Variants in CTNND2 observed in about 807,000 individuals in gnomAD.
The protein encoded by CTNND2 is catenin delta 2, also known as catenin delta-2.
In CTNND2, 22 loss-of-function variants were observed where a neutral mutation model predicts 144.4. The ratio of observed to expected loss-of-function variants is 0.15; its 90% CI spans 0.11 to 0.22. The LOEUF is 0.22. CTNND2 is among the 10% of genes least tolerant of loss of function. CTNND2 has a pLI of 1.00. For synonymous variants in CTNND2, 751 were observed against 695.6 expected (o/e 1.08, Z -1.25); for missense variants, 1,353 against 1,618.8 (o/e 0.84, Z 2.82).
intron 2 of CTNND2, among the ~76,000 whole-genome samples, chr5:11,632,341 G>A (rs1781454721): frequency 6.6e-6 from 1 of 152,174 alleles, no homozygotes. Flanking sequence ...GTCCTGCGGT[G>A]AGGAGGAGGA....
At chr5:11,441,306 T>C (rs1199392284) in intron 3 of CTNND2, among the ~76,000 whole-genome samples, 1 of 152,010 alleles carries the variant, frequency 6.6e-6, no homozygotes, top group Non-Finnish European at 1.5e-5. Context: ...CAGGCCATTT[T>C]ATTATTGAGC....
chr5:11,706,248 C>T (rs547999404), intron 2 of CTNND2, among the ~76,000 whole-genome samples: 29 of 152,238 alleles, frequency 1.9e-4, no homozygotes, highest in Middle Eastern at 3.4e-3. Context: ...ACATCTGACT[C>T]GCAGAAACTG....
At chr5:11,535,862 T>TCTTGAATG (rs1417688621) in intron 3 of CTNND2, among the ~76,000 whole-genome samples, 1 of 152,162 alleles carries the variant, frequency 6.6e-6, no homozygotes, top group Non-Finnish European at 1.5e-5. Context: ...TAGAAAAGTG[T>TCTTGAATG]CTTGAATGCT....
intron 16 of CTNND2, among the ~76,000 whole-genome samples, chr5:11,039,485 G>A (rs748284624): frequency 1.3e-5 from 2 of 152,084 alleles, no homozygotes; most frequent in Non-Finnish European, 2.9e-5. Context: ...TCCCAGAAAG[G>A]GACCTGTTCA....
intron 18 of CTNND2, among the ~76,000 whole-genome samples, chr5:10,997,452 C>T (rs546159383): frequency 5.9e-5 from 9 of 151,970 alleles, no homozygotes; most frequent in South Asian, 2.1e-4. Context: ...ATTAGCTGGG[C>T]GTGGCAGTGC....
chr5:11,582,334 A>T (rs1778500380), intron 2 of CTNND2, among the ~76,000 whole-genome samples: 2 of 152,248 alleles, frequency 1.3e-5, no homozygotes, highest in Admixed American at 1.3e-4. Flanking sequence ...AATAAAGTTC[A>T]CATCAGAGTG....
At chr5:11,003,320 G>A (rs554126451) in intron 18 of CTNND2, among the ~76,000 whole-genome samples, 1 of 152,258 alleles carries the variant, frequency 6.6e-6, no homozygotes, top group East Asian at 1.9e-4. Flanking sequence ...AGACTACTTC[G>A]CTGGGGACCT....
chr5:11,455,006 C>CT (rs75755559), intron 3 of CTNND2, among the ~76,000 whole-genome samples: 3,922 of 141,660 alleles, frequency 0.028, 60 homozygotes, highest in African/African-American at 0.043. Context: ...TAATTTAACT[C>CT]TTTTTTTTTT....
chr5:11,534,098 AAAC>A (rs1369796901), intron 3 of CTNND2, among the ~76,000 whole-genome samples: 7 of 152,218 alleles, frequency 4.6e-5, no homozygotes, highest in Non-Finnish European at 4.4e-5. Context: ...AGGAATATAA[AAAC>A]AGCCTCCTAC....
At chr5:11,362,368 T>C (rs1471015676) in intron 8 of CTNND2, among the ~76,000 whole-genome samples, 5 of 152,236 alleles carry the variant, frequency 3.3e-5, no homozygotes, top group African/African-American at 7.2e-5. Context: ...CATTTTCTCA[T>C]ACATGCAGGT....
intron 9 of CTNND2, among the ~76,000 whole-genome samples, chr5:11,333,805 T>G (rs1753449955): frequency 2.0e-5 from 3 of 152,152 alleles, no homozygotes; most frequent in African/African-American, 7.2e-5. Flanking sequence ...CATGGGCTGT[T>G]TGGACGTCCT....
Position 11,903,962 on chromosome 5 carries a change from G to A in CTNND2, c.-109C>T. 1 of 1,236,298 alleles carries A rather than the reference G, an allele frequency of 8.1e-7. No homozygotes were observed. Among genetic ancestry groups the A allele is most frequent in the Non-Finnish European group, 1.0e-6 (1 of 974,388 alleles). The allele number at this position is 1,236,298 out of a possible 1,614,324, so 76.6% of individuals were successfully genotyped here. A position where few individuals can be genotyped will look rare whatever the true frequency, so the allele number is the denominator to read the frequency against. On this transcript the variant is annotated 5_prime_UTR_variant, in exon 1 of 22. Coordinates refer to ENST00000304623, the MANE Select transcript of CTNND2 (RefSeq NM_001332.4). This position sits in a 1 kb window ranked among gnomAD's most constrained non-coding sequence, Gnocchi z 5.4. ...CCCAACTGCAGCATCTTCCGCTTTT[G>A]TTGTCTGAGCGCGGCCGCGGGACAA...
chr5:11,309,026 G>T (rs1750536882), intron 9 of CTNND2, among the ~76,000 whole-genome samples: 1 of 152,164 alleles, frequency 6.6e-6, no homozygotes, highest in Non-Finnish European at 1.5e-5. Context: ...GAACAGCAAG[G>T]GGGAAATCAA....
intron 3 of CTNND2, among the ~76,000 whole-genome samples, chr5:11,425,742 A>G (rs1303484166): frequency 6.6e-6 from 1 of 152,008 alleles, no homozygotes; most frequent in Non-Finnish European, 1.5e-5. Flanking sequence ...TTGGTTGGGG[A>G]TTTTTATCAT....
rs1318260873 is a variant in CTNND2 at position 11,173,867 on chromosome 5, C to CCA, written c.1976-14109_1976-14108insTG. Among the ~76,000 whole-genome samples the CCA allele has an allele frequency of 6.2e-4, 94 of 152,312 alleles. 1 individual carries two copies. The highest frequency in any genetic ancestry group is 1.1e-3 in the Non-Finnish European group (74 of 68,028). ...CTACCTACTTCCCAAACATTTCTGT[C>CCA]ACCCCAAAAGGATGGTTGGTTTTTA... is the stretch of plus-strand genomic sequence containing the variant. On this transcript the variant is annotated intron_variant, in intron 11 of 21. Transcript: ENST00000304623.
chr5:11,641,266 A>C (rs1781983527), intron 2 of CTNND2, among the ~76,000 whole-genome samples: 1 of 152,248 alleles, frequency 6.6e-6, no homozygotes, highest in African/African-American at 2.4e-5. Flanking sequence ...TAACTCTCTC[A>C]GACATTCTGC....
intron 1 of CTNND2, among the ~76,000 whole-genome samples, chr5:11,871,884 A>T (rs1735156217): frequency 6.6e-6 from 1 of 152,210 alleles, no homozygotes; most frequent in African/African-American, 2.4e-5. Flanking sequence ...AAGATGTAGG[A>T]TATTTCCTAC....
chr5:11,550,162 C>T (rs749501859), intron 3 of CTNND2, among the ~76,000 whole-genome samples: 4 of 152,130 alleles, frequency 2.6e-5, no homozygotes, highest in Non-Finnish European at 5.9e-5. Flanking sequence ...GTTATTCTCC[C>T]GAATTTACAA....
At chr5:11,240,361 ACACACACCCAACACACACATACACT>A (rs1742162051) in intron 9 of CTNND2, among the ~76,000 whole-genome samples, 2 of 122,654 alleles carry the variant, frequency 1.6e-5, no homozygotes, top group African/African-American at 3.2e-5. Flanking sequence ...ACACACATTC[ACACACACCCAACACACACATACACT>A]CACACACCCA....
Sources: allele counts gnomAD v4.1 joint callset (sites outside exome capture counted in the v4.1 genomes callset), GRCh38; gene constraint gnomAD v4.1.1; non-coding constraint Gnocchi (gnomAD v3.1); transcripts MANE v1.5; gene names NCBI Gene and HGNC (gene_info 2026-07-23, HGNC 2026-07-21).